DYRK1A: variants seen among roughly 807,000 people sequenced by gnomAD.
DYRK1A encodes dual specificity tyrosine phosphorylation regulated kinase 1A.
DYRK1A carries 9 observed loss-of-function variants against 79.7 expected under a neutral mutation model. The ratio of observed to expected loss-of-function variants is 0.11; its 90% confidence interval spans 0.07 to 0.20. The LOEUF (loss-of-function observed/expected upper bound fraction) is 0.20, where lower values mean the gene tolerates loss of function less well. Among genes scored for constraint, DYRK1A ranks in the 10% least tolerant of loss-of-function variants. The probability of loss-of-function intolerance (pLI) is 1.00; values close to 1 mark genes in which losing one functional copy is unlikely to be tolerated. For missense variants in DYRK1A, 622 were observed against 956.0 expected, an observed-to-expected ratio of 0.65 and a Z score of 4.61; for synonymous variants, 349 against 329.7, an observed-to-expected ratio of 1.06 and a Z score of -0.63.
At chr21:37,469,631 G>T (rs970630542) in intron 2 of DYRK1A, among the ~76,000 whole-genome samples, 1 of 152,106 alleles carries the variant, frequency 6.6e-6, no homozygotes, top group African/African-American at 2.4e-5. Flanking sequence ...GGAGAAGCAG[G>T]CATGTCTTAC....
intron 1 of DYRK1A, among the ~76,000 whole-genome samples, chr21:37,387,210 T>G (rs1196718110): frequency 1.3e-5 from 2 of 152,214 alleles, no homozygotes. Flanking sequence ...AATACATTAT[T>G]TGTTGATTTT....
chr21:37,405,429 CTTGA>C (rs1256016921), intron 1 of DYRK1A, among the ~76,000 whole-genome samples: 3 of 152,170 alleles, frequency 2.0e-5, no homozygotes, highest in Non-Finnish European at 4.4e-5. Flanking sequence ...GTGAGACTTG[CTTGA>C]TTATTTGCAG....
At chr21:37,505,953 T>C (rs1481810265) in intron 10 of DYRK1A, 146 bp from the exon 11 acceptor site, 2 of 1,037,266 alleles carry the variant, frequency 1.9e-6, no homozygotes, top group Admixed American at 5.9e-5. Flanking sequence ...ATGAAGACTT[T>C]GTGATATACT....
chr21:37,484,395 C>G (rs565873444), intron 5 of DYRK1A, among the ~76,000 whole-genome samples: 1 of 145,818 alleles, frequency 6.9e-6, no homozygotes, highest in South Asian at 2.2e-4. Flanking sequence ...ATGGTGTGAT[C>G]TTGGCTCATT....
intron 9 of DYRK1A, chr21:37,504,249 C>G (rs2053531960): frequency 1.3e-5 from 2 of 152,398 alleles, no homozygotes. Flanking sequence ...GTCAGCAGCC[C>G]CACTCCTAAC....
chr21:37,435,219 C>T (rs1441400897), intron 2 of DYRK1A, among the ~76,000 whole-genome samples: 2 of 152,130 alleles, frequency 1.3e-5, no homozygotes, highest in South Asian at 2.1e-4. Flanking sequence ...GTAGCTTTGC[C>T]CTGGCAACTA....
chr21:37,505,987 G>A (rs1203119442), intron 10 of DYRK1A, 112 bp from the exon 11 acceptor site: 11 of 1,262,742 alleles, frequency 8.7e-6, no homozygotes, highest in African/African-American at 1.5e-5. Flanking sequence ...TAGAGATTTT[G>A]TATGTGTGTG....
intron 9 of DYRK1A, chr21:37,503,326 T>C (rs2053505534): frequency 6.6e-6 from 1 of 152,308 alleles, no homozygotes; most frequent in South Asian, 2.1e-4. Context: ...GTTTTTAATT[T>C]GGATAATTTC....
chr21:37,490,111 A>G lies in DYRK1A; in HGVS notation c.638-64A>G, dbSNP rs963729796. 65 of 1,427,432 alleles carry G rather than the reference A, an allele frequency of 4.6e-5. 1 individual carries two copies. Among genetic ancestry groups the G allele is most frequent in the South Asian group, 3.8e-4 (29 of 75,738 alleles). The allele number at this position is 1,427,432 out of a possible 1,614,324, so 88.4% of individuals were successfully genotyped here. Reference sequence around the variant, plus strand: ...AATGTTATAGAACATTTGAGAGTGCATGTGTTTGTTACTCTCAGTTTATTG... The same window carrying G: ...AATGTTATAGAACATTTGAGAGTGCGTGTGTTTGTTACTCTCAGTTTATTG... On this transcript the variant is annotated intron_variant, in intron 6 of 11. Coordinates refer to ENST00000647188, the MANE Select transcript of DYRK1A (RefSeq NM_001347721.2).
chr21:37,453,466 G>T (rs937216084), intron 2 of DYRK1A, among the ~76,000 whole-genome samples: 1 of 151,966 alleles, frequency 6.6e-6, no homozygotes, highest in Non-Finnish European at 1.5e-5. Context: ...TGTTCTCACA[G>T]TGAGGCAGGA....
At chr21:37,496,384 C>CCTA in intron 9 of DYRK1A, 126 bp downstream of exon 9, 3 of 939,526 alleles carry the variant, frequency 3.2e-6, no homozygotes, top group Non-Finnish European at 4.7e-6. Flanking sequence ...TGATACCTTA[C>CCTA]ATAGATATTT....
intron 1 of DYRK1A, among the ~76,000 whole-genome samples, chr21:37,408,682 T>A (rs970650761): frequency 6.6e-6 from 1 of 152,246 alleles, no homozygotes; most frequent in African/African-American, 2.4e-5. Context: ...TTTGTTCCAC[T>A]CTTAGGTTGC....
chr21:37,423,177 A>G (rs2050523558), intron 2 of DYRK1A, among the ~76,000 whole-genome samples: 1 of 152,142 alleles, frequency 6.6e-6, no homozygotes, highest in African/African-American at 2.4e-5. Context: ...AGTAGAGAGC[A>G]CTGTCTGGGT....
chr21:37,474,417 A>G (rs1197009989), intron 3 of DYRK1A, among the ~76,000 whole-genome samples: 1 of 152,204 alleles, frequency 6.6e-6, no homozygotes, highest in Non-Finnish European at 1.5e-5. Context: ...TAAAGTAATA[A>G]TACTCAGCCA....
At chr21:37,454,582 CAA>C (rs1266262773) in intron 2 of DYRK1A, among the ~76,000 whole-genome samples, 1 of 151,956 alleles carries the variant, frequency 6.6e-6, no homozygotes, top group Non-Finnish European at 1.5e-5. Context: ...CTAAATCTTT[CAA>C]AAAATCATTT....
At chr21:37,485,640 A>G (rs1401278987) in intron 5 of DYRK1A, among the ~76,000 whole-genome samples, 2 of 152,268 alleles carry the variant, frequency 1.3e-5, no homozygotes, top group African/African-American at 4.8e-5. Flanking sequence ...GTATAATATT[A>G]TAAATGTAAC....
intron 5 of DYRK1A, 132 bp from the exon 6 acceptor site, chr21:37,486,335 A>C: frequency 1.6e-6 from 1 of 628,644 alleles, no homozygotes; most frequent in East Asian, 3.4e-5. Context: ...TCTTCTACTT[A>C]GGAAGGTCAG....
chr21:37,402,927 C>G lies in DYRK1A; in HGVS notation c.-76-17372C>G, dbSNP rs150793914. ...TACAGGTATGCACCACTATGCCTGC[C>G]TAATTTTTGTATTTTTAGTAGAGAT... On this transcript the variant is annotated intron_variant, in intron 1 of 11. Coordinates refer to ENST00000647188, the MANE Select transcript of DYRK1A (RefSeq NM_001347721.2). Among the ~76,000 whole-genome samples, 155 of 152,158 alleles carry G rather than the reference C, an allele frequency of 1.0e-3. 1 individual carries two copies. Among genetic ancestry groups the G allele is most frequent in the African/African-American group, 3.7e-3 (153 of 41,522 alleles).
chr21:37,506,337 G>A (rs749150895), intron 11 of DYRK1A, 114 bp downstream of exon 11: 17 of 1,593,416 alleles, frequency 1.1e-5, no homozygotes, highest in South Asian at 2.3e-5. Flanking sequence ...GGTTCATGAC[G>A]TTCCTGTCTA....
Sources: gnomAD v4.1 joint callset for allele counts (sites outside exome capture counted in the v4.1 genomes callset) on GRCh38, gnomAD v4.1.1 for gene constraint, MANE v1.5 for transcripts, NCBI Gene and HGNC (gene_info 2026-07-23, HGNC 2026-07-21) for gene names.